The following MYO10 variants were observed in gnomAD, a reference collection of about 807,000 sequenced individuals.
MYO10 encodes the protein myosin X.
MYO10 carries 133 observed loss-of-function variants against 257.3 expected under a neutral mutation model. The ratio of observed to expected loss-of-function variants is 0.52; its 90% confidence interval spans 0.45 to 0.60. The LOEUF (loss-of-function observed/expected upper bound fraction) is 0.60. Among genes scored for constraint, MYO10 ranks in the 20% least tolerant of loss-of-function variants. The pLI is 0.00. For missense variants in MYO10, 2,399 were observed against 2,635.7 expected (o/e 0.91, Z 1.97); for synonymous variants, 1,104 against 1,028.6 (o/e 1.07, Z -1.40).
chr5:16,925,471 T>G lies in MYO10; in HGVS notation c.21+10317A>C, dbSNP rs150821006. On this transcript the variant is annotated intron_variant, in intron 1 of 40. Transcript: ENST00000513610. Reference sequence around the variant, plus strand: ...CAACAGAGTAAGTAAGAGTAGGTGGTGCAATCTCGGCTCACTGCAACCTCT... The same window carrying G: ...CAACAGAGTAAGTAAGAGTAGGTGGGGCAATCTCGGCTCACTGCAACCTCT... 6.6e-3 allele frequency among the ~76,000 whole-genome samples: 1,002 copies of G among 152,116 alleles called. 13 individuals carry two copies. Among genetic ancestry groups the G allele is most frequent in the African/African-American group, 0.023 (944 of 41,516 alleles).
intron 37 of MYO10, 149 bp downstream of exon 37, chr5:16,672,540 G>T: frequency 2.3e-6 from 2 of 870,466 alleles, no homozygotes; most frequent in Non-Finnish European, 1.7e-6. Context: ...TAGCGGATAT[G>T]CAAAGTTAAA....
chr5:16,755,163 T>C (rs1488538702), intron 18 of MYO10, among the ~76,000 whole-genome samples: 1 of 152,092 alleles, frequency 6.6e-6, no homozygotes, highest in African/African-American at 2.4e-5. Flanking sequence ...AATTCTATTT[T>C]ATTTATTTAT....
intron 1 of MYO10, among the ~76,000 whole-genome samples, chr5:16,903,370 T>C (rs924897829): frequency 2.0e-5 from 3 of 152,092 alleles, no homozygotes; most frequent in Non-Finnish European, 4.4e-5. Context: ...GATCGTGCCA[T>C]TGCACTCCAG....
rs560041373 is a variant in MYO10, at chr5:16,807,542, C to T, written c.279+10467G>A. On this transcript the variant is annotated intron_variant, in intron 3 of 40. Transcript: ENST00000513610. ...TTATCCCCTACAGCTTTCATGAGTCCGTTCAAGCTCACTGAGTTGCACAGA... is the reference window on the plus strand; with the variant it reads ...TTATCCCCTACAGCTTTCATGAGTCTGTTCAAGCTCACTGAGTTGCACAGA... Among the ~76,000 whole-genome samples, 11 of 152,180 alleles carry T rather than the reference C, an allele frequency of 7.2e-5. No individual in the cohort carries two copies. In the East Asian group the frequency reaches 1.2e-3, roughly 16 times the overall value.
intron 19 of MYO10, chr5:16,742,342 A>T: frequency 5.5e-6 from 4 of 729,426 alleles, no homozygotes; most frequent in Non-Finnish European, 6.7e-6. Flanking sequence ...CTTTACTGGG[A>T]TTGTTTTGTT....
intron 9 of MYO10, among the ~76,000 whole-genome samples, chr5:16,770,526 A>G (rs1472121626): frequency 6.6e-6 from 1 of 152,148 alleles, no homozygotes; most frequent in Non-Finnish European, 1.5e-5. Flanking sequence ...GTGACTGAGG[A>G]GCTGCATTCT....
chr5:16,926,193 T>G (rs1746126912), intron 1 of MYO10, among the ~76,000 whole-genome samples: 1 of 152,310 alleles, frequency 6.6e-6, no homozygotes, highest in East Asian at 1.9e-4. Flanking sequence ...AGTTTCCAAT[T>G]TGGGAGAATT....
intron 18 of MYO10, among the ~76,000 whole-genome samples, 193 bp downstream of exon 18, chr5:16,757,925 A>G (rs1314757613): frequency 1.3e-5 from 2 of 152,242 alleles, no homozygotes; most frequent in Non-Finnish European, 2.9e-5. Flanking sequence ...TCGGCCTCCC[A>G]AAGTGCTGAG....
intron 17 of MYO10, among the ~76,000 whole-genome samples, 166 bp from the exon 18 acceptor site, chr5:16,758,392 A>C (rs1459095339): frequency 6.6e-6 from 1 of 152,224 alleles, no homozygotes; most frequent in Non-Finnish European, 1.5e-5. Context: ...ACACTGCCAA[A>C]GAGCTTTAGG....
intron 1 of MYO10, among the ~76,000 whole-genome samples, chr5:16,891,550 T>C (rs1271621880): frequency 2.0e-5 from 3 of 152,060 alleles, no homozygotes; most frequent in Non-Finnish European, 4.4e-5. Flanking sequence ...AATTAGATAG[T>C]GATGATGGTT....
intron 17 of MYO10, among the ~76,000 whole-genome samples, chr5:16,760,776 C>T (rs1395087771): frequency 6.6e-6 from 1 of 151,696 alleles, no homozygotes; most frequent in Non-Finnish European, 1.5e-5. Context: ...GCCAACCAGA[C>T]CAGATCAAAA....
chr5:16,850,316 C>G (rs1414310014), intron 2 of MYO10, among the ~76,000 whole-genome samples: 1 of 152,164 alleles, frequency 6.6e-6, no homozygotes, highest in Non-Finnish European at 1.5e-5. Flanking sequence ...ACTCTGTTGT[C>G]AGGCTGGAGT....
chr5:16,762,459 G>T, intron 15 of MYO10, 86 bp downstream of exon 15: 1 of 1,067,510 alleles, frequency 9.4e-7, no homozygotes, highest in Admixed American at 2.3e-5. Flanking sequence ...GCACAGTTGG[G>T]CCAGCGGACT....
intron 19 of MYO10, among the ~76,000 whole-genome samples, chr5:16,740,144 C>T (rs985735683): frequency 2.0e-5 from 3 of 152,156 alleles, no homozygotes; most frequent in African/African-American, 7.2e-5. Context: ...CCCCTAACCT[C>T]TGGTCTCCAG....
intron 1 of MYO10, among the ~76,000 whole-genome samples, chr5:16,914,947 A>T (rs951467383): frequency 1.3e-5 from 2 of 152,226 alleles, no homozygotes; most frequent in African/African-American, 4.8e-5. Flanking sequence ...CACAAGATTA[A>T]AAGTATAACC....
At chr5:16,756,240 T>C (rs994288328) in intron 18 of MYO10, among the ~76,000 whole-genome samples, 2 of 152,130 alleles carry the variant, frequency 1.3e-5, no homozygotes, top group Non-Finnish European at 2.9e-5. Context: ...ACTTTTTAAT[T>C]TTTTTTGTAG....
intron 4 of MYO10, among the ~76,000 whole-genome samples, chr5:16,785,899 A>G (rs1443753333): frequency 6.6e-6 from 1 of 151,892 alleles, no homozygotes; most frequent in African/African-American, 2.4e-5. Flanking sequence ...ACAAAAAAAC[A>G]AAAAACCCGG....
intron 2 of MYO10, among the ~76,000 whole-genome samples, chr5:16,825,759 G>A (rs1047780458): frequency 6.6e-6 from 1 of 152,234 alleles, no homozygotes; most frequent in Non-Finnish European, 1.5e-5. Flanking sequence ...TGAGGCATGA[G>A]AATTACTTGA....
intron 3 of MYO10, among the ~76,000 whole-genome samples, chr5:16,811,167 G>A (rs966839712): frequency 4.6e-5 from 7 of 152,248 alleles, no homozygotes; most frequent in African/African-American, 1.7e-4. Flanking sequence ...GGTAAGTGGG[G>A]GGGGGATGTT....
Sources: allele counts gnomAD v4.1 joint callset (sites outside exome capture counted in the v4.1 genomes callset), GRCh38; gene constraint gnomAD v4.1.1; transcripts MANE v1.5; gene names NCBI Gene and HGNC (gene_info 2026-07-23, HGNC 2026-07-21).